The following EHMT1 variants were observed in gnomAD, a reference collection of about 807,000 sequenced individuals.
EHMT1 encodes the protein histone-lysine N-methyltransferase EHMT1.
EHMT1 carries 15 observed loss-of-function variants against 147.2 expected under a neutral mutation model. The ratio of observed to expected loss-of-function variants is 0.10; its 90% CI spans 0.07 to 0.16. The LOEUF is 0.16. Ranked by LOEUF, EHMT1 falls within the 10% of genes least tolerant of loss-of-function variation. EHMT1 has a pLI of 1.00. For synonymous variants in EHMT1, 795 were observed against 709.6 expected, an observed-to-expected ratio of 1.12 and a Z score of -1.91; for missense variants, 1,587 against 1,772.4, an observed-to-expected ratio of 0.90 and a Z score of 1.88.
intron 17 of EHMT1, 157 bp from the exon 18 acceptor site, chr9:137,800,723 A>G: frequency 1.5e-6 from 1 of 658,672 alleles, no homozygotes; most frequent in Admixed American, 2.3e-5. Flanking sequence ...CTGAGGAAGA[A>G]CTGTGGCCTC....
chr9:137,681,856 T>G (rs989297333), intron 1 of EHMT1, among the ~76,000 whole-genome samples: 2 of 152,194 alleles, frequency 1.3e-5, no homozygotes, highest in African/African-American at 4.8e-5. Context: ...CCCTGGAAAG[T>G]TTGCAGTGTG....
At chr9:137,703,680 A>G (rs1207471735) in intron 1 of EHMT1, among the ~76,000 whole-genome samples, 1 of 152,128 alleles carries the variant, frequency 6.6e-6, no homozygotes, top group African/African-American at 2.4e-5. Context: ...TTCATTGTCC[A>G]TATCACTGTC....
chr9:137,788,346 G>A (rs113904705), intron 15 of EHMT1: 3 of 361,130 alleles, frequency 8.3e-6, no homozygotes, highest in Non-Finnish European at 1.5e-5. Context: ...GTTGGCGAAG[G>A]CTCCACCCGC....
At chr9:137,653,824 G>A (rs1236627223) in intron 1 of EHMT1, among the ~76,000 whole-genome samples, 1 of 152,142 alleles carries the variant, frequency 6.6e-6, no homozygotes, top group Non-Finnish European at 1.5e-5. Flanking sequence ...GCCCCTGGCC[G>A]ATTTTCTCAT....
chr9:137,703,768 C>G (rs1944029204), intron 1 of EHMT1, among the ~76,000 whole-genome samples: 1 of 152,168 alleles, frequency 6.6e-6, no homozygotes, highest in African/African-American at 2.4e-5. Flanking sequence ...TTAACCTGTT[C>G]AAACTTCGGC....
At chr9:137,711,355 A>C (rs1046848378) in intron 2 of EHMT1, among the ~76,000 whole-genome samples, 1 of 152,162 alleles carries the variant, frequency 6.6e-6, no homozygotes, top group Non-Finnish European at 1.5e-5. Flanking sequence ...AACCGGAGAC[A>C]CTCCGGTGTC....
At chr9:137,728,855 T>C (rs188263097) in intron 4 of EHMT1, among the ~76,000 whole-genome samples, 95 of 152,212 alleles carry the variant, frequency 6.2e-4, no homozygotes, top group African/African-American at 2.1e-3. Flanking sequence ...GTAGGTGGAG[T>C]GCCTTTGGAA....
At chr9:137,710,821 A>G in intron 1 of EHMT1, 146 bp from the exon 2 acceptor site, 1 of 787,290 alleles carries the variant, frequency 1.3e-6, no homozygotes, top group Non-Finnish European at 2.0e-6. Flanking sequence ...AGGCGACTGT[A>G]ACCAGCTGGC....
At chr9:137,830,069 T>C (rs1956085498) in intron 25 of EHMT1, among the ~76,000 whole-genome samples, 2 of 152,214 alleles carry the variant, frequency 1.3e-5, no homozygotes, top group Non-Finnish European at 2.9e-5. Flanking sequence ...TTCCTCTGTT[T>C]TGAGTGTTAA....
intron 16 of EHMT1, among the ~76,000 whole-genome samples, chr9:137,797,955 CCCTGCCTCTTCTGGAG>C (rs1476099159): frequency 6.6e-6 from 1 of 152,202 alleles, no homozygotes; most frequent in East Asian, 1.9e-4. Flanking sequence ...GCACCGGCTC[CCCTGCCTCTTCTGGAG>C]CTTCCTGGGT....
chr9:137,822,885 A>C, intron 25 of EHMT1, among the ~76,000 whole-genome samples: 1 of 145,308 alleles, frequency 6.9e-6, no homozygotes, highest in Admixed American at 6.7e-5. Context: ...CAAGAGCAAA[A>C]CTTCATCTCG....
chr9:137,694,384 C>T (rs1224529561), intron 1 of EHMT1, among the ~76,000 whole-genome samples: 3 of 148,650 alleles, frequency 2.0e-5, no homozygotes, highest in Admixed American at 2.0e-4. Context: ...CTGGCCGATA[C>T]CCCCCACACA....
rs535955198 is a variant in EHMT1, at chr9:137,694,716, C to G, written c.22-16251C>G. On this transcript the variant is annotated intron_variant, in intron 1 of 26. Coordinates refer to ENST00000460843, the MANE Select transcript of EHMT1 (RefSeq NM_024757.5). ...CCAACCATGGTGGAGACGCGCCTAG[C>G]ACACAGGCAGGAGCTGTTAGCAGGA... Among the ~76,000 whole-genome samples the G allele has an allele frequency of 1.2e-4, 18 of 152,320 alleles. No homozygotes were observed. The East Asian group carries it at 3.3e-3, about 28-fold the overall frequency.
chr9:137,733,849 T>C (rs1588434947), intron 4 of EHMT1, among the ~76,000 whole-genome samples: 1 of 152,184 alleles, frequency 6.6e-6, no homozygotes. Flanking sequence ...ATAAAGTGAC[T>C]GCATGTGCCC....
At chr9:137,823,566 C>T (rs1955604693) in intron 25 of EHMT1, 3 of 239,744 alleles carry the variant, frequency 1.3e-5, no homozygotes, top group Non-Finnish European at 2.6e-5. Context: ...TGCCCGCCAC[C>T]ACGCCCAGCT....
chr9:137,635,651 T>C (rs1407637545), intron 1 of EHMT1, among the ~76,000 whole-genome samples: 2 of 151,250 alleles, frequency 1.3e-5, no homozygotes, highest in East Asian at 4.2e-4. Flanking sequence ...AAACCCCGTC[T>C]CTACTAAAAA....
chr9:137,666,631 A>G (rs991159518), intron 1 of EHMT1, among the ~76,000 whole-genome samples: 2 of 152,166 alleles, frequency 1.3e-5, no homozygotes, highest in African/African-American at 4.8e-5. Context: ...GGCTGTGAGG[A>G]TGGCATTGAC....
At chr9:137,673,826 A>G (rs1307166066) in intron 1 of EHMT1, among the ~76,000 whole-genome samples, 1 of 152,250 alleles carries the variant, frequency 6.6e-6, no homozygotes. Context: ...TACTATGAAT[A>G]TAGTAAGATT....
chr9:137,675,144 C>G (rs1278795628), intron 1 of EHMT1: 1 of 152,226 alleles, frequency 6.6e-6, no homozygotes, highest in Non-Finnish European at 1.5e-5. Flanking sequence ...CCTTCTGTGC[C>G]TTGTCATGAA....
Sources: allele counts gnomAD v4.1 joint callset (sites outside exome capture counted in the v4.1 genomes callset), GRCh38; gene constraint gnomAD v4.1.1; transcripts MANE v1.5; gene names NCBI Gene and HGNC (gene_info 2026-07-23, HGNC 2026-07-21).